The following WDR70 variants were observed in gnomAD, a reference collection of about 807,000 sequenced individuals.
WDR70 encodes the protein WD repeat-containing protein 70.
In WDR70, 53 loss-of-function variants were observed where a neutral mutation model predicts 88.6. That is an observed-to-expected ratio of 0.60 (90% confidence interval 0.48 to 0.75). The LOEUF is 0.75. WDR70 is among the 30% of genes least tolerant of loss of function. The probability of loss-of-function intolerance (pLI) is 0.00; values close to 1 mark genes in which losing one functional copy is unlikely to be tolerated. For synonymous variants in WDR70, 280 were observed against 270.0 expected (o/e 1.04, Z -0.36); for missense variants, 610 against 823.2 (o/e 0.74, Z 3.17).
intron 9 of WDR70, among the ~76,000 whole-genome samples, chr5:37,542,335 A>G (rs1741849059): frequency 6.7e-6 from 1 of 148,884 alleles, no homozygotes; most frequent in African/African-American, 2.5e-5. Context: ...GCTGGAGTGC[A>G]GTGGCGTGAT....
chr5:37,525,132 A>G (rs1741221809), intron 9 of WDR70, among the ~76,000 whole-genome samples: 1 of 152,252 alleles, frequency 6.6e-6, no homozygotes, highest in Admixed American at 6.5e-5. Context: ...AGTGGACCTT[A>G]TAGACATCTA....
intron 14 of WDR70, chr5:37,722,065 T>G (rs556363726): frequency 1.2e-3 from 186 of 152,302 alleles, no homozygotes; most frequent in African/African-American, 4.1e-3. Flanking sequence ...CCTTCAGAGC[T>G]TCCTGGACTA....
chr5:37,665,569 A>C (rs1745815932), intron 10 of WDR70, among the ~76,000 whole-genome samples: 1 of 152,230 alleles, frequency 6.6e-6, no homozygotes, highest in Non-Finnish European at 1.5e-5. Flanking sequence ...AAAAGTCTCT[A>C]AGAAGTGTGA....
At chr5:37,651,293 C>T (rs887421243) in intron 10 of WDR70, among the ~76,000 whole-genome samples, 2 of 152,168 alleles carry the variant, frequency 1.3e-5, no homozygotes, top group African/African-American at 4.8e-5. Context: ...GACATGAACT[C>T]ATCCTTTTTT....
At chr5:37,689,178 C>G (rs1746704150) in intron 10 of WDR70, among the ~76,000 whole-genome samples, 1 of 152,242 alleles carries the variant, frequency 6.6e-6, no homozygotes, top group South Asian at 2.1e-4. Context: ...AACAAAGCAG[C>G]TAGGAAGCTT....
At chr5:37,494,876 A>C (rs1304123907) in intron 8 of WDR70, among the ~76,000 whole-genome samples, 1 of 152,276 alleles carries the variant, frequency 6.6e-6, no homozygotes, top group Middle Eastern at 3.2e-3. Context: ...TGATTTATGC[A>C]AGCAAATGAC....
chr5:37,679,465 T>C (rs1175140441), intron 10 of WDR70, among the ~76,000 whole-genome samples: 1 of 152,182 alleles, frequency 6.6e-6, no homozygotes, highest in East Asian at 1.9e-4. Flanking sequence ...AACCCTCAGC[T>C]GCAGGTCTGT....
chr5:37,726,408 A>G (rs1258334075), intron 16 of WDR70, among the ~76,000 whole-genome samples: 1 of 152,116 alleles, frequency 6.6e-6, no homozygotes, highest in Admixed American at 6.6e-5. Flanking sequence ...TCATAGGGAG[A>G]TTATAGTACA....
At position 37,605,146 on chromosome 5, in the gene WDR70, A is replaced by G. The variant is rs1250894222; in HGVS notation, c.1000A>G (p.Ile334Val). The G allele has an allele frequency of 2.5e-6, 4 of 1,613,562 alleles. No homozygotes were observed. In the African/African-American group the frequency reaches 4.0e-5, roughly 16 times the overall value. ...ACGGACGATGCAAGGCAAAAAAGTC[A>G]TTCCCACTACGTGCACATATAGTAG... ...KPRTMQGKKV[I>V]PTTCTYSRDG... The change falls in exon 10 of 18, where the codon ATT (isoleucine) becomes GTT (valine). Residue 334 changes from isoleucine to valine, a missense_variant. Transcript: ENST00000265107.
chr5:37,432,373 G>A (rs543361595), intron 5 of WDR70, among the ~76,000 whole-genome samples: 2 of 152,244 alleles, frequency 1.3e-5, no homozygotes, highest in Non-Finnish European at 2.9e-5. Flanking sequence ...AGAAATGCCT[G>A]TTCAAGTCTT....
chr5:37,675,526 C>T (rs1581485134), intron 10 of WDR70, among the ~76,000 whole-genome samples: 1 of 152,210 alleles, frequency 6.6e-6, no homozygotes, highest in Admixed American at 6.5e-5. Context: ...TCAGGTTTGT[C>T]AAAGATCAGA....
chr5:37,449,609 AATAAAAAATAAAT>A (rs1561856906), intron 7 of WDR70, among the ~76,000 whole-genome samples: 5 of 68,550 alleles, frequency 7.3e-5, no homozygotes, highest in Admixed American at 3.1e-4. Context: ...AAAAATAAAA[AATAAAAAATAAAT>A]AAATAAATAA....
intron 9 of WDR70, among the ~76,000 whole-genome samples, chr5:37,542,025 T>C (rs906170592): frequency 1.3e-5 from 2 of 152,122 alleles, no homozygotes; most frequent in African/African-American, 2.4e-5. Context: ...AATATGTGTA[T>C]TGGTGTAAAT....
In WDR70 at chr5:37,615,575, C is replaced by T. The variant is rs144524194; in HGVS notation, c.1092+10337C>T. On this transcript the variant is annotated intron_variant, in intron 10 of 17. Coordinates refer to ENST00000265107, the MANE Select transcript of WDR70 (RefSeq NM_018034.4). ...TTGAGGTGATGAAATATTTTAAGTT[C>T]GGTAATCATTACTTTTAGTGACTGC... Among the ~76,000 whole-genome samples the T allele has an allele frequency of 1.9e-3, 282 of 152,256 alleles. 1 individual carries two copies. Among genetic ancestry groups the T allele is most frequent in the African/African-American group, 6.5e-3 (268 of 41,544 alleles).
intron 9 of WDR70, among the ~76,000 whole-genome samples, chr5:37,553,364 C>T (rs1416989820): frequency 6.6e-6 from 1 of 152,194 alleles, no homozygotes; most frequent in Admixed American, 6.5e-5. Flanking sequence ...AAGCCCACAA[C>T]CATCTGTATC....
intron 9 of WDR70, among the ~76,000 whole-genome samples, chr5:37,561,350 C>T (rs1561902236): frequency 6.6e-6 from 1 of 152,170 alleles, no homozygotes; most frequent in Non-Finnish European, 1.5e-5. Flanking sequence ...TTATTTTGGT[C>T]AGTCTATAAA....
intron 10 of WDR70, among the ~76,000 whole-genome samples, chr5:37,628,104 T>C (rs1476056537): frequency 6.6e-6 from 1 of 152,180 alleles, no homozygotes; most frequent in Non-Finnish European, 1.5e-5. Context: ...TTTTATTTTT[T>C]GTAGAGACAG....
chr5:37,470,491 A>G (rs1242180394), intron 7 of WDR70, among the ~76,000 whole-genome samples: 2 of 152,230 alleles, frequency 1.3e-5, no homozygotes. Context: ...CTTGTTTACC[A>G]GATATTACCC....
intron 12 of WDR70, among the ~76,000 whole-genome samples, chr5:37,701,870 T>G (rs1050675014): frequency 2.0e-5 from 3 of 152,172 alleles, no homozygotes; most frequent in Non-Finnish European, 4.4e-5. Context: ...CAGCTTATTT[T>G]CTCATTTTTT....
Sources: gnomAD v4.1 joint callset for allele counts (sites outside exome capture counted in the v4.1 genomes callset) on GRCh38, gnomAD v4.1.1 for gene constraint, MANE v1.5 for transcripts, NCBI Gene and HGNC (gene_info 2026-07-23, HGNC 2026-07-21) for gene names.